Variants in ZNF395 observed in about 807,000 individuals in gnomAD.
ZNF395 encodes the protein zinc finger protein 395, also known as HD gene regulatory region-binding protein 2.
A neutral mutation model predicts 57.7 loss-of-function variants in ZNF395; 20 were observed. The observed-to-expected ratio is 0.35, with a 90% confidence interval of 0.24 to 0.50. The LOEUF (loss-of-function observed/expected upper bound fraction) is 0.50, where lower values mean the gene tolerates loss of function less well. ZNF395 is among the 20% of genes least tolerant of loss of function. ZNF395 has a pLI of 0.97. For synonymous variants in ZNF395, 295 were observed against 275.9 expected, an observed-to-expected ratio of 1.07 and a Z score of -0.69; for missense variants, 606 against 671.2, an observed-to-expected ratio of 0.90 and a Z score of 1.07.
chr8:28,376,595 T>G (rs937575200), intron 1 of ZNF395, among the ~76,000 whole-genome samples: 3 of 151,882 alleles, frequency 2.0e-5, no homozygotes, highest in African/African-American at 7.3e-5. Flanking sequence ...TACTCCAGCC[T>G]GGGCAACAGA....
Position 28,347,312 on chromosome 8 carries a change from G to A in ZNF395, c.*1407C>T, listed in dbSNP as rs1801616471. 1 of 152,246 alleles carries A rather than the reference G, an allele frequency of 6.6e-6. No individual in the cohort carries two copies. Among genetic ancestry groups the A allele is most frequent in the South Asian group, 2.1e-4 (1 of 4,828 alleles). The allele number at this position is 152,246 out of a possible 1,614,324, so 9.4% of individuals were successfully genotyped here. A position where few individuals can be genotyped will look rare whatever the true frequency, so the allele number is the denominator to read the frequency against. On this transcript the variant is annotated 3_prime_UTR_variant, in exon 10 of 10. Transcript: ENST00000344423. ...GCCAGGACTTGTACCCGAGGCAGCTGGGCAGTGGGCAGTCACATTCCAGTA... is the reference window on the plus strand; with the variant it reads ...GCCAGGACTTGTACCCGAGGCAGCTAGGCAGTGGGCAGTCACATTCCAGTA...
In ZNF395 at chr8:28,359,968, T is replaced by C. The variant is rs1272490377; in HGVS notation, c.241-144A>G. 2 of 1,367,694 alleles carry C rather than the reference T, an allele frequency of 1.5e-6. No individual in the cohort carries two copies. Among genetic ancestry groups the C allele is most frequent in the Non-Finnish European group, 1.9e-6 (2 of 1,028,500 alleles). 84.7% of individuals were successfully genotyped at this position (1,367,694 alleles called of 1,614,324 possible). A position where few individuals can be genotyped will look rare whatever the true frequency, so the allele number is the denominator to read the frequency against. ...CACTCATCTTTTATTCAAGCAGATG[T>C]TCCCAGGTACTCGCTTCCCACCTGA... On this transcript the variant is annotated intron_variant, in intron 2 of 9. Transcript: ENST00000344423. The surrounding 1 kb of genome is among the most constrained non-coding windows in gnomAD (Gnocchi z 4.7).
chr8:28,353,488 A>C, intron 4 of ZNF395, 80 bp from the exon 5 acceptor site: 4 of 1,152,036 alleles, frequency 3.5e-6, no homozygotes, highest in Non-Finnish European at 4.8e-6. Context: ...TTCGGTAAAC[A>C]TGGAGAGGAG....
chr8:28,367,664 G>A (rs1458944142), intron 1 of ZNF395, among the ~76,000 whole-genome samples: 4 of 152,126 alleles, frequency 2.6e-5, no homozygotes, highest in Admixed American at 2.0e-4. Context: ...ACTCTCTGGA[G>A]TTCACACTAC....
At position 28,347,267 on chromosome 8, in the gene ZNF395, C is replaced by G. The variant is rs1801615737; in HGVS notation, c.*1452G>C. 6.6e-6 allele frequency: 1 copy of G among 152,236 alleles called. No individual in the cohort carries two copies. The highest frequency in any genetic ancestry group is 2.1e-4 in the South Asian group (1 of 4,832). 9.4% of individuals were successfully genotyped at this position (152,236 alleles called of 1,614,324 possible). A position where few individuals can be genotyped will look rare whatever the true frequency, so the allele number is the denominator to read the frequency against. On this transcript the variant is annotated 3_prime_UTR_variant, in exon 10 of 10. Coordinates refer to ENST00000344423, the MANE Select transcript of ZNF395 (RefSeq NM_018660.3). Reference sequence around the variant, plus strand: ...GTGGCTGGGTAGGATTCCCTGAGCCCCTGACAGCTGGGACATAGGGCCAGG... The same window carrying G: ...GTGGCTGGGTAGGATTCCCTGAGCCGCTGACAGCTGGGACATAGGGCCAGG...
chr8:28,351,681 G>T lies in ZNF395; in HGVS notation c.1047C>A (p.Pro349=). The T allele has an allele frequency of 6.2e-7, 1 of 1,612,146 alleles. No homozygotes were observed. Among genetic ancestry groups the T allele is most frequent in the Non-Finnish European group, 8.5e-7 (1 of 1,179,904 alleles). Residue 349 remains proline, a synonymous_variant, in exon 7 of 10, where the codon CCC becomes CCA. Transcript: ENST00000344423. ...TGGGGGTGGGAGCTGGCTCGGAGGT[G>T]GGAGTCCCAGGGACTGGGGTGCCTG... The part of the protein sequence containing the change: ...AAAGTPVPGT[P]TSEPAPTPSM...
intron 1 of ZNF395, among the ~76,000 whole-genome samples, chr8:28,378,687 CTA>C (rs1802075059): frequency 6.6e-6 from 1 of 152,200 alleles, no homozygotes; most frequent in Non-Finnish European, 1.5e-5. Flanking sequence ...AGCCCCTATT[CTA>C]TGTGTCTTTC....
In ZNF395 at chr8:28,348,072, T is replaced by C. The variant is rs1801629436; in HGVS notation, c.*647A>G. The stretch of plus-strand genomic sequence containing the variant: ...TGGGCTTTAAGAAGAAGCCATTTAA[T>C]ATTTGTTGGGGTGCAACCCAATGTC... On this transcript the variant is annotated 3_prime_UTR_variant, in exon 10 of 10. Transcript: ENST00000344423. 1 of 152,126 alleles carries C rather than the reference T, an allele frequency of 6.6e-6. No individual in the cohort carries two copies. The highest frequency in any genetic ancestry group is 2.4e-5 in the African/African-American group (1 of 41,418). The allele number at this position is 152,126 out of a possible 1,614,324, so 9.4% of individuals were successfully genotyped here.
At chr8:28,349,627 C>T (rs895178088) in intron 8 of ZNF395, among the ~76,000 whole-genome samples, 17 of 152,222 alleles carry the variant, frequency 1.1e-4, no homozygotes, top group African/African-American at 4.1e-4. Flanking sequence ...AATGACTTCC[C>T]GCTTACTTGA....
intron 1 of ZNF395, among the ~76,000 whole-genome samples, chr8:28,367,296 T>G (rs934400375): frequency 1.6e-4 from 25 of 152,160 alleles, no homozygotes; most frequent in African/African-American, 5.8e-4. Context: ...ACCCTATAAC[T>G]GAGCATCCAG....
chr8:28,357,546 T>C (rs1190180528), intron 3 of ZNF395, among the ~76,000 whole-genome samples: 2 of 152,258 alleles, frequency 1.3e-5, no homozygotes, highest in South Asian at 2.1e-4. Context: ...AACTTCTAAG[T>C]GGTCTGTTTC....
chr8:28,361,326 G>A (rs559382934), intron 1 of ZNF395, 144 bp from the exon 2 acceptor site: 40 of 721,958 alleles, frequency 5.5e-5, no homozygotes, highest in Non-Finnish European at 7.1e-5. Flanking sequence ...TAGGACAATC[G>A]GAAAAGCAAA....
intron 1 of ZNF395, among the ~76,000 whole-genome samples, chr8:28,385,773 G>T (rs1278634061): frequency 4.7e-5 from 7 of 148,538 alleles, no homozygotes; most frequent in African/African-American, 1.7e-4. Context: ...CGAGAGTGGG[G>T]GCGCCGGCGG....
chr8:28,348,594 A>AGGAGAAAATTGCTTTAAGTGTT lies in ZNF395; in HGVS notation c.*124_*125insAACACTTAAAGCAATTTTCTCC. 1 of 816,314 alleles carries AGGAGAAAATTGCTTTAAGTGTT rather than the reference A, an allele frequency of 1.2e-6. No individual in the cohort carries two copies. Among genetic ancestry groups the AGGAGAAAATTGCTTTAAGTGTT allele is most frequent in the Non-Finnish European group, 2.1e-6 (1 of 479,866 alleles). 50.6% of individuals were successfully genotyped at this position (816,314 alleles called of 1,614,324 possible). On this transcript the variant is annotated 3_prime_UTR_variant, in exon 10 of 10. Coordinates refer to ENST00000344423, the MANE Select transcript of ZNF395 (RefSeq NM_018660.3). ...TTGCTTTAAGTGTTACACCTTAGCC[A>AGGAGAAAATTGCTTTAAGTGTT]ACAGAGCCCAAACTCCGTGTTTCCG... is the stretch of plus-strand genomic sequence containing the variant.
At chr8:28,385,157 C>A (rs950800961) in intron 1 of ZNF395, 1 of 152,272 alleles carries the variant, frequency 6.6e-6, no homozygotes, top group Non-Finnish European at 1.5e-5. Context: ...AGGAATCCCC[C>A]GCGCCTGGTA....
chr8:28,355,696 T>C (rs1007081381), intron 4 of ZNF395, among the ~76,000 whole-genome samples: 1 of 152,246 alleles, frequency 6.6e-6, no homozygotes, highest in African/African-American at 2.4e-5. Flanking sequence ...CTTCCCTATT[T>C]GGCTGCGCTA....
chr8:28,363,298 A>G (rs1363657232), intron 1 of ZNF395, among the ~76,000 whole-genome samples: 1 of 151,962 alleles, frequency 6.6e-6, no homozygotes, highest in African/African-American at 2.4e-5. Flanking sequence ...CGCCTGGCTA[A>G]TATTTTGTAT....
At position 28,361,153 on chromosome 8, in the gene ZNF395, G is replaced by A. The variant is rs1331619736; in HGVS notation, c.-29C>T. On this transcript the variant is annotated 5_prime_UTR_variant, in exon 2 of 10. Coordinates refer to ENST00000344423, the MANE Select transcript of ZNF395 (RefSeq NM_018660.3). The stretch of plus-strand genomic sequence containing the variant: ...GCTGCCTCTCCTCTCCTGCGGAGGC[G>A]AAGGGGACACTGAAGCCTCTGCCCA... 1.1e-5 allele frequency: 18 copies of A among 1,608,756 alleles called. No individual in the cohort carries two copies. The highest frequency in any genetic ancestry group is 1.7e-4 in the Middle Eastern group (1 of 5,968).
At chr8:28,362,430 G>C (rs1270543077) in intron 1 of ZNF395, among the ~76,000 whole-genome samples, 1 of 152,218 alleles carries the variant, frequency 6.6e-6, no homozygotes, top group Non-Finnish European at 1.5e-5. Flanking sequence ...TATGTGCAAA[G>C]CACATCCCAG....
Sources: allele counts gnomAD v4.1 joint callset (sites outside exome capture counted in the v4.1 genomes callset), GRCh38; gene constraint gnomAD v4.1.1; non-coding constraint Gnocchi (gnomAD v3.1); transcripts MANE v1.5; gene names NCBI Gene and HGNC (gene_info 2026-07-23, HGNC 2026-07-21).